The following ECHDC1 variants were observed in gnomAD, a reference collection of about 807,000 sequenced individuals.
ECHDC1 encodes ethylmalonyl-CoA decarboxylase 1.
ECHDC1 carries 29 observed loss-of-function variants against 29.7 expected under a neutral mutation model. The observed-to-expected ratio is 0.98, with a 90% confidence interval of 0.73 to 1.33. The LOEUF (loss-of-function observed/expected upper bound fraction) is 1.33, where lower values mean the gene tolerates loss of function less well. ECHDC1 is among the 40% of genes most tolerant of loss of function. The pLI is 0.00. For synonymous variants in ECHDC1, 126 were observed against 123.1 expected (o/e 1.02, Z -0.15); for missense variants, 328 against 350.0 (o/e 0.94, Z 0.50).
chr6:127,310,571 C>A (rs979415139), intron 5 of ECHDC1, among the ~76,000 whole-genome samples: 2 of 152,018 alleles, frequency 1.3e-5, no homozygotes, highest in Non-Finnish European at 2.9e-5. Context: ...CATGATAAAA[C>A]CTGACTAGAT....
intron 5 of ECHDC1, chr6:127,313,461 C>A: frequency 2.5e-6 from 1 of 397,640 alleles, no homozygotes; most frequent in Non-Finnish European, 5.1e-6. Flanking sequence ...TTTCAGCCCC[C>A]CAAAATGCTG....
intron 3 of ECHDC1, among the ~76,000 whole-genome samples, chr6:127,323,164 C>T (rs773330275): frequency 2.0e-5 from 3 of 152,002 alleles, no homozygotes; most frequent in Admixed American, 6.6e-5. Flanking sequence ...GTTCCATTCC[C>T]AGGATATCTC....
In ECHDC1 at chr6:127,306,267, T is replaced by C. The variant is rs76618670; in HGVS notation, c.497+8549A>G. 2.0e-5 allele frequency among the ~76,000 whole-genome samples: 3 copies of C among 152,230 alleles called. No homozygotes were observed. In the South Asian group the frequency reaches 6.2e-4, roughly 32 times the overall value. On this transcript the variant is annotated intron_variant, in intron 5 of 5. Coordinates refer to ENST00000454859, the MANE Select transcript of ECHDC1 (RefSeq NM_001002030.2). ...AAGCAAGAGGATATGACAATTTTTA[T>C]GCCACCCATCACTGGAGCACCCAGA... is the stretch of plus-strand genomic sequence containing the variant.
At chr6:127,291,077 G>A (rs899501197) in intron 5 of ECHDC1, among the ~76,000 whole-genome samples, 3 of 151,994 alleles carry the variant, frequency 2.0e-5, no homozygotes, top group African/African-American at 4.8e-5. Flanking sequence ...CTCTGGGGAC[G>A]AGTACAGTGT....
intron 3 of ECHDC1, among the ~76,000 whole-genome samples, chr6:127,326,157 G>A (rs1229723546): frequency 6.6e-6 from 1 of 152,194 alleles, no homozygotes; most frequent in East Asian, 1.9e-4. Flanking sequence ...GGATGAAGGA[G>A]GGGCCTGGTG....
At chr6:127,333,666 TACACACACACACACAC>T (rs10523734) in intron 1 of ECHDC1, among the ~76,000 whole-genome samples, 4,225 of 128,118 alleles carry the variant, frequency 0.033, 104 homozygotes, top group South Asian at 0.076. Context: ...CTCTTTCTCT[TACACACACACACACAC>T]ACACACACAC....
intron 1 of ECHDC1, chr6:127,342,526 C>G (rs1294093153): frequency 1.6e-6 from 1 of 634,676 alleles, no homozygotes; most frequent in East Asian, 2.9e-5. Context: ...GTAGATTTCA[C>G]AAATATACTT....
intron 3 of ECHDC1, among the ~76,000 whole-genome samples, chr6:127,320,996 G>A (rs1782782969): frequency 6.6e-6 from 1 of 152,056 alleles, no homozygotes; most frequent in South Asian, 2.1e-4. Flanking sequence ...ATTAGTCTCT[G>A]CTTTTACCTG....
chr6:127,333,895 T>C (rs975642102), intron 1 of ECHDC1, among the ~76,000 whole-genome samples: 2 of 152,330 alleles, frequency 1.3e-5, no homozygotes, highest in Admixed American at 1.3e-4. Flanking sequence ...GATGGTATCT[T>C]ACTGTGGTTT....
At chr6:127,329,848 T>G (rs1562330437) in intron 2 of ECHDC1, 1 of 452,090 alleles carries the variant, frequency 2.2e-6, no homozygotes, top group Non-Finnish European at 4.4e-6. Flanking sequence ...ATGTTTTCAT[T>G]GGTCAGCACT....
intron 5 of ECHDC1, among the ~76,000 whole-genome samples, chr6:127,309,823 C>T (rs1358629792): frequency 6.6e-6 from 1 of 152,192 alleles, no homozygotes; most frequent in Non-Finnish European, 1.5e-5. Flanking sequence ...GGCATATCTT[C>T]ACATGACAGA....
rs774001068 is a variant in ECHDC1, at chr6:127,330,769, A to G, written c.220+40T>C. 5.2e-5 allele frequency: 81 copies of G among 1,554,424 alleles called. 2 individuals are homozygous for G. In the East Asian group the frequency reaches 1.8e-3, roughly 35 times the overall value. On this transcript the variant is annotated intron_variant, in intron 2 of 5. Coordinates refer to ENST00000454859, the MANE Select transcript of ECHDC1 (RefSeq NM_001002030.2). ...AAAAAAACTTGTGATAACAGTTTAG[A>G]TTTAGTGTCATTCTTTAGGAATAAA...
At chr6:127,300,138 G>A (rs949874547) in intron 5 of ECHDC1, among the ~76,000 whole-genome samples, 7 of 152,172 alleles carry the variant, frequency 4.6e-5, no homozygotes, top group African/African-American at 1.7e-4. Context: ...ATGACTGTAT[G>A]TGGGTACTAT....
Position 127,309,790 on chromosome 6 carries a change from T to C in ECHDC1, c.497+5026A>G, listed in dbSNP as rs143296199. Among the ~76,000 whole-genome samples the C allele has an allele frequency of 3.9e-5, 6 of 152,246 alleles. No homozygotes were observed. In the East Asian group the frequency reaches 1.2e-3, roughly 29 times the overall value. ...GGAGGCCTCCAGAAATTTACAATCA[T>C]GGCAGAAGGCGAAGCGGAAGCAGGC... On this transcript the variant is annotated intron_variant, in intron 5 of 5. Transcript: ENST00000454859.
At chr6:127,342,973 AG>A (rs1168336326) in intron 1 of ECHDC1, 1 of 152,290 alleles carries the variant, frequency 6.6e-6, no homozygotes, top group Non-Finnish European at 1.5e-5. Flanking sequence ...AACTTAGCAC[AG>A]GGCCTCGAAT....
intron 5 of ECHDC1, chr6:127,294,504 CT>C (rs1270920719): frequency 6.6e-6 from 1 of 152,168 alleles, no homozygotes; most frequent in East Asian, 1.9e-4. Context: ...ATAATCTCAC[CT>C]TTCTGATTTC....
At chr6:127,311,666 T>A (rs1339400007) in intron 5 of ECHDC1, among the ~76,000 whole-genome samples, 1 of 45,150 alleles carries the variant, frequency 2.2e-5, no homozygotes, top group African/African-American at 8.5e-5. Flanking sequence ...AGAGGCTCTG[T>A]CTCAAAAAAA....
chr6:127,303,728 G>T (rs1781233609), intron 5 of ECHDC1, among the ~76,000 whole-genome samples: 2 of 152,214 alleles, frequency 1.3e-5, no homozygotes, highest in South Asian at 4.1e-4. Flanking sequence ...CTAGCTAACA[G>T]ATTTTTACTG....
chr6:127,332,062 CA>C (rs1784008602), intron 1 of ECHDC1, among the ~76,000 whole-genome samples: 1 of 152,116 alleles, frequency 6.6e-6, no homozygotes, highest in Admixed American at 6.5e-5. Flanking sequence ...AGTTACAGTT[CA>C]ATGAATTTTC....
Sources: gnomAD v4.1 joint callset for allele counts (sites outside exome capture counted in the v4.1 genomes callset) on GRCh38, gnomAD v4.1.1 for gene constraint, MANE v1.5 for transcripts, NCBI Gene and HGNC (gene_info 2026-07-23, HGNC 2026-07-21) for gene names.